LDHD: variants seen among roughly 807,000 people sequenced by gnomAD.
LDHD encodes the protein lactate dehydrogenase D.
LDHD carries 58 observed loss-of-function variants against 52.9 expected under a neutral mutation model. The ratio of observed to expected loss-of-function variants is 1.10; its 90% CI spans 0.89 to 1.36. The LOEUF (loss-of-function observed/expected upper bound fraction) is 1.36, where lower values mean the gene tolerates loss of function less well. Ranked by LOEUF, LDHD falls within the 40% of genes most tolerant of loss-of-function variation. The pLI, the probability that LDHD is intolerant of heterozygous loss-of-function variation, is 0.00. For synonymous variants in LDHD, 350 were observed against 288.6 expected (o/e 1.21, Z -2.16); for missense variants, 747 against 668.0 (o/e 1.12, Z -1.30).
rs915325614 is a variant in LDHD at position 75,115,669 on chromosome 16, A to T, written c.73-9T>A. The T allele has an allele frequency of 6.4e-7, 1 of 1,556,764 alleles. No individual in the cohort carries two copies. The highest frequency in any genetic ancestry group is 1.4e-5 in the African/African-American group (1 of 73,640). On this transcript the variant is annotated splice_polypyrimidine_tract_variant and intron_variant, in intron 1 of 10. Transcript: ENST00000450168. ...TCCCTGCAGAGCTCTCCCTGCAGGG[A>T]AGAAACACACTGCCAGGGTCCCCCG...
Position 75,112,595 on chromosome 16 carries a change from C to A in LDHD, c.1289+7G>T. 6.2e-7 allele frequency: 1 copy of A among 1,614,030 alleles called. No individual in the cohort carries two copies. The stretch of plus-strand genomic sequence containing the variant: ...TCAGCTCTTCCCCTCCCTGGCTTTG[C>A]TCCTACCTGCCCAGCTGTTCTGCAA... On this transcript the variant is annotated splice_region_variant and intron_variant, in intron 10 of 10. Transcript: ENST00000450168.
chr16:75,112,436 C>T lies in LDHD; in HGVS notation c.1375G>A (p.Ala459Thr), dbSNP rs201733337. 19 of 1,613,330 alleles carry T rather than the reference C, an allele frequency of 1.2e-5. No homozygotes were observed. The highest frequency in any genetic ancestry group is 1.6e-4 in the Middle Eastern group (1 of 6,080). ...KRQLLQEEVG[A>T]VGVETMRQLK... ...TGCCGCATGGTCTCCACGCCCACGG[C>T]GCCCACCTCCTCCTGCAGCAGCTGC... Residue 459 changes from alanine to threonine, a missense_variant, in exon 11 of 11, where the codon GCC becomes ACC. Coordinates refer to ENST00000450168, the MANE Select transcript of LDHD (RefSeq NM_194436.3).
In LDHD at chr16:75,112,194, G is replaced by A. The variant is rs1350439839; in HGVS notation, c.*162C>T. The A allele has an allele frequency of 3.6e-6, 3 of 835,386 alleles. No homozygotes were observed. Among genetic ancestry groups the A allele is most frequent in the South Asian group, 3.7e-5 (2 of 54,210 alleles). 51.7% of individuals were successfully genotyped at this position (835,386 alleles called of 1,614,324 possible). ...GGCCAGGGAGGTAACACGGTGCTCA[G>A]GCTTCTCTCTGGGCCCTCTGGCCTT... On this transcript the variant is annotated 3_prime_UTR_variant, in exon 11 of 11. Transcript: ENST00000450168.
rs1345821835 is a variant in LDHD, at chr16:75,112,130, G to T, written c.*226C>A. 5.4e-6 allele frequency: 3 copies of T among 554,850 alleles called. No homozygotes were observed. The highest frequency in any genetic ancestry group is 9.5e-6 in the Non-Finnish European group (3 of 315,680). 34.4% of individuals were successfully genotyped at this position (554,850 alleles called of 1,614,324 possible). On this transcript the variant is annotated 3_prime_UTR_variant, in exon 11 of 11. Transcript: ENST00000450168. ...GCAGCTTTGCTGGGAACCACCCTGG[G>T]TCGTTTACTGAACCAAAGGCTCCTG...
rs754131593 is a variant in LDHD, at chr16:75,116,684, A to G, written c.37T>C (p.Phe13Leu). 6.2e-7 allele frequency: 1 copy of G among 1,603,766 alleles called. No individual in the cohort carries two copies. Among genetic ancestry groups the G allele is most frequent in the South Asian group, 1.1e-5 (1 of 89,102 alleles). Residue 13 changes from phenylalanine to leucine, a missense_variant, in exon 1 of 11, where the codon TTC becomes CTC. Transcript: ENST00000450168. ...TGGGAGCAGTAGCCCCTCCAGGGGAACAGCTCCCAGGTTGCAGACCTGAGC... is the reference window on the plus strand; with the variant it reads ...TGGGAGCAGTAGCCCCTCCAGGGGAGCAGCTCCCAGGTTGCAGACCTGAGC... ...RLLRSATWELFPWRGYCSQKA... is the reference protein window; with the variant it reads ...RLLRSATWELLPWRGYCSQKA...
Position 75,112,092 on chromosome 16 carries a change from G to A in LDHD, c.*264C>T, listed in dbSNP as rs576881755. ...CTTCCCGCCAGGACAGGATGCGTAG[G>A]AGCAGAGAGGAAGCAGCTTTGCTGG... On this transcript the variant is annotated 3_prime_UTR_variant, in exon 11 of 11. Transcript: ENST00000450168. 3.4e-4 allele frequency: 158 copies of A among 459,990 alleles called. No homozygotes were observed. The highest frequency in any genetic ancestry group is 2.6e-3 in the African/African-American group (131 of 50,922). 28.5% of individuals were successfully genotyped at this position (459,990 alleles called of 1,614,324 possible).
In LDHD at chr16:75,114,548, C is replaced by T; in HGVS notation, c.607G>A (p.Ala203Thr). Residue 203 changes from alanine to threonine, a missense_variant, in exon 5 of 11, where the codon GCG becomes ACG. Physicochemically the swap from Ala to Thr is moderately conservative, Grantham distance 58 (BLOSUM62 0). Coordinates refer to ENST00000450168, the MANE Select transcript of LDHD (RefSeq NM_194436.3). Reference sequence around the variant, plus strand: ...CACCGGAAATGCCGGCCTCGGCCCGCCGTGTGCAGCAGCCGCCCGTCGGGC... The same window carrying T: ...CACCGGAAATGCCGGCCTCGGCCCGTCGTGTGCAGCAGCCGCCCGTCGGGC... ...VLPDGRLLHT[A>T]GRGRHFRKSA... 6.5e-7 allele frequency: 1 copy of T among 1,529,452 alleles called. No individual in the cohort carries two copies. The highest frequency in any genetic ancestry group is 1.2e-5 in the South Asian group (1 of 83,704). The allele number at this position is 1,529,452 out of a possible 1,614,324, so 94.7% of individuals were successfully genotyped here.
At chr16:75,113,253 G>A (rs1224489513) in intron 8 of LDHD, among the ~76,000 whole-genome samples, 6 of 152,190 alleles carry the variant, frequency 3.9e-5, no homozygotes, top group Non-Finnish European at 8.8e-5. Context: ...CCTCCAGGAA[G>A]CCTTCCTTCC....
intron 2 of LDHD, 51 bp from the exon 3 acceptor site, chr16:75,115,390 G>A (rs376791459): frequency 7.5e-6 from 12 of 1,608,594 alleles, no homozygotes; most frequent in Non-Finnish European, 1.0e-5. Flanking sequence ...CTCTGGTCCC[G>A]AGGTGTTGCA....
intron 5 of LDHD, 21 bp downstream of exon 5, chr16:75,114,504 GC>G (rs1416384862): frequency 2.7e-6 from 4 of 1,490,498 alleles, no homozygotes; most frequent in South Asian, 2.6e-5. Flanking sequence ...CAGAGCCCGG[GC>G]CCCCCGCAGA....
chr16:75,115,685 G>T (rs768358345), intron 1 of LDHD, 25 bp from the exon 2 acceptor site: 1 of 1,465,414 alleles, frequency 6.8e-7, no homozygotes. Flanking sequence ...CACACTGCCA[G>T]GGTCCCCCGA....
At chr16:75,114,794 C>A in intron 4 of LDHD, 33 bp downstream of exon 4, 1 of 1,602,856 alleles carries the variant, frequency 6.2e-7, no homozygotes, top group Non-Finnish European at 8.5e-7. Flanking sequence ...CCACGGTGCC[C>A]TCAGGGTCCC....
At chr16:75,114,388 G>A in intron 5 of LDHD, 138 bp downstream of exon 5, 2 of 1,357,902 alleles carry the variant, frequency 1.5e-6, no homozygotes. Flanking sequence ...CCAGCTGACA[G>A]GGCTTCAGAG....
At position 75,115,571 on chromosome 16, in the gene LDHD, G is replaced by T. The variant is rs1399915399; in HGVS notation, c.162C>A (p.His54Gln). 1 of 1,612,848 alleles carries T rather than the reference G, an allele frequency of 6.2e-7. No individual in the cohort carries two copies. The highest frequency in any genetic ancestry group is 8.5e-7 in the Non-Finnish European group (1 of 1,179,956). ...VSTAAVVREQ[H>Q]GRDESVHRCE... Reference sequence around the variant, plus strand: ...ACCTGTGCACCGACTCATCGCGCCCGTGCTGCTCTCGGACCACCGCGGCAG... The same window carrying T: ...ACCTGTGCACCGACTCATCGCGCCCTTGCTGCTCTCGGACCACCGCGGCAG... Residue 54 changes from histidine (H) to glutamine (Q), a missense_variant, in exon 2 of 11, where the codon CAC becomes CAA. Transcript: ENST00000450168.
intron 2 of LDHD, 44 bp from the exon 3 acceptor site, chr16:75,115,383 T>C (rs776335139): frequency 6.2e-7 from 1 of 1,609,986 alleles, no homozygotes; most frequent in East Asian, 2.2e-5. Context: ...TGACACCCTC[T>C]GGTCCCGAGG....
chr16:75,115,025 C>A, intron 3 of LDHD, 57 bp from the exon 4 acceptor site: 1 of 1,568,524 alleles, frequency 6.4e-7, no homozygotes, highest in Non-Finnish European at 8.6e-7. Context: ...CTGGCCACGT[C>A]CCCGGACCAC....
In LDHD at chr16:75,114,969, C is replaced by T. The variant is rs2036511518; in HGVS notation, c.328-1G>A. ...GCGTCAGGTTAACGCAGACGCCGCCCTGGTTGGGGCAGGTGCTAAGACCAC... is the reference window on the plus strand; with the variant it reads ...GCGTCAGGTTAACGCAGACGCCGCCTTGGTTGGGGCAGGTGCTAAGACCAC... On this transcript the variant is annotated splice_acceptor_variant, in intron 3 of 10. Transcript: ENST00000450168. LOFTEE classifies it high-confidence loss of function. 6.2e-7 allele frequency: 1 copy of T among 1,608,610 alleles called. No individual in the cohort carries two copies. The highest frequency in any genetic ancestry group is 1.3e-5 in the African/African-American group (1 of 74,816).
In LDHD at chr16:75,115,107, C is replaced by G. The variant is rs975084726; in HGVS notation, c.327+91G>C. 1.0e-5 allele frequency: 16 copies of G among 1,552,338 alleles called. No individual in the cohort carries two copies. In the South Asian group the frequency reaches 1.8e-4, roughly 18 times the overall value. On this transcript the variant is annotated intron_variant, in intron 3 of 10. Coordinates refer to ENST00000450168, the MANE Select transcript of LDHD (RefSeq NM_194436.3). ...GGCAGCCCACGGGCGGGAGCAGACC[C>G]AAGGTGCCGTGTGTGGCGGGGGAGG...
At position 75,115,561 on chromosome 16, in the gene LDHD, C is replaced by T. The variant is rs761653585; in HGVS notation, c.172G>A (p.Glu58Lys). The stretch of plus-strand genomic sequence containing the variant: ...ACCCTCCCATACCTGTGCACCGACT[C>T]ATCGCGCCCGTGCTGCTCTCGGACC... ...AVVREQHGRD[E>K]SVHRCEPPDA... Residue 58 changes from glutamate (E) to lysine (K), a missense_variant, in exon 2 of 11, where the codon GAG (glutamate) becomes AAG (lysine). Coordinates refer to ENST00000450168, the MANE Select transcript of LDHD (RefSeq NM_194436.3). 2 of 1,613,030 alleles carry T rather than the reference C, an allele frequency of 1.2e-6. No individual in the cohort carries two copies. Among genetic ancestry groups the T allele is most frequent in the Non-Finnish European group, 1.7e-6 (2 of 1,179,946 alleles).
Sources: gnomAD v4.1 joint callset for allele counts (sites outside exome capture counted in the v4.1 genomes callset) on GRCh38, gnomAD v4.1.1 for gene constraint, MANE v1.5 for transcripts, NCBI Gene and HGNC (gene_info 2026-07-23, HGNC 2026-07-21) for gene names.